SLC5A11: variants seen among roughly 807,000 people sequenced by gnomAD.
SLC5A11 encodes the protein solute carrier family 5 member 11, also known as sodium/myo-inositol cotransporter 2.
In SLC5A11, 48 loss-of-function variants were observed where a neutral mutation model predicts 69.8. The observed-to-expected ratio is 0.69, with a 90% CI of 0.55 to 0.87. SLC5A11 has a LOEUF of 0.87. SLC5A11 is among the 40% of genes least tolerant of loss of function. The pLI is 0.00. For synonymous variants in SLC5A11, 319 were observed against 342.4 expected (o/e 0.93, Z 0.75); for missense variants, 784 against 866.1 (o/e 0.91, Z 1.19).
At chr16:24,892,251 C>T (rs1471389508) in intron 9 of SLC5A11, among the ~76,000 whole-genome samples, 1 of 151,392 alleles carries the variant, frequency 6.6e-6, no homozygotes, top group South Asian at 2.1e-4. Flanking sequence ...ATGTAGGGTG[C>T]TGAGGGGAGG....
chr16:24,873,299 A>G (rs1454578912), intron 5 of SLC5A11, among the ~76,000 whole-genome samples: 2 of 149,888 alleles, frequency 1.3e-5, no homozygotes, highest in Non-Finnish European at 3.0e-5. Context: ...GGAAGGAAGG[A>G]AGGAAATAAA....
exon 12 of SLC5A11, chr16:24,907,112 C>A: frequency 6.2e-7 from 1 of 1,614,148 alleles, no homozygotes. Flanking sequence ...ACCATCTTCA[C>A]CATGGACCTC....
At chr16:24,854,594 TA>T (rs1281009304) in intron 1 of SLC5A11, among the ~76,000 whole-genome samples, 1 of 151,950 alleles carries the variant, frequency 6.6e-6, no homozygotes, top group Non-Finnish European at 1.5e-5. Flanking sequence ...CACACCCACC[TA>T]AAAAAATTGC....
intron 10 of SLC5A11, among the ~76,000 whole-genome samples, chr16:24,900,942 A>G (rs760149530): frequency 2.7e-5 from 4 of 150,920 alleles, no homozygotes; most frequent in Non-Finnish European, 4.4e-5. Context: ...AAAAAAAAGG[A>G]AAGAATATGG....
intron 5 of SLC5A11, among the ~76,000 whole-genome samples, chr16:24,874,148 A>T (rs931954671): frequency 6.6e-6 from 1 of 152,138 alleles, no homozygotes; most frequent in African/African-American, 2.4e-5. Flanking sequence ...TTCTTTTGTT[A>T]CATGTAGCTG....
At chr16:24,895,517 A>T (rs905875844) in intron 9 of SLC5A11, among the ~76,000 whole-genome samples, 1 of 149,586 alleles carries the variant, frequency 6.7e-6, no homozygotes, top group Non-Finnish European at 1.5e-5. Context: ...AAAGAAAAAA[A>T]AGTAGGAAAG....
At chr16:24,854,433 T>A (rs115601516) in intron 1 of SLC5A11, among the ~76,000 whole-genome samples, 11,791 of 150,140 alleles carry the variant, frequency 0.079, 1,342 homozygotes, top group African/African-American at 0.25. Context: ...AAGTAAAGTT[T>A]TTTTTTTTTT....
chr16:24,847,070 C>T (rs770371927), intron 1 of SLC5A11, among the ~76,000 whole-genome samples: 38 of 152,182 alleles, frequency 2.5e-4, no homozygotes, highest in Non-Finnish European at 4.1e-4. Context: ...AGACTCAATT[C>T]CTGTGGCCAT....
At chr16:24,880,674 T>C (rs550043083) in intron 7 of SLC5A11, among the ~76,000 whole-genome samples, 7 of 152,090 alleles carry the variant, frequency 4.6e-5, no homozygotes, top group Admixed American at 3.9e-4. Flanking sequence ...TCATGAGAAC[T>C]CTATCACCAG....
intron 14 of SLC5A11, among the ~76,000 whole-genome samples, chr16:24,909,771 G>A (rs1045371871): frequency 2.0e-5 from 3 of 147,216 alleles, no homozygotes; most frequent in African/African-American, 7.6e-5. Flanking sequence ...TAAGGCTGCA[G>A]TGAGCTATGA....
At chr16:24,867,579 G>C (rs960646370) in intron 3 of SLC5A11, among the ~76,000 whole-genome samples, 1 of 151,978 alleles carries the variant, frequency 6.6e-6, no homozygotes, top group South Asian at 2.1e-4. Context: ...AAAATCAAAA[G>C]TTTGTTCTTT....
At chr16:24,900,918 T>TAA (rs57145899) in intron 10 of SLC5A11, among the ~76,000 whole-genome samples, 18 of 116,636 alleles carry the variant, frequency 1.5e-4, no homozygotes, top group Non-Finnish European at 2.3e-4. Flanking sequence ...ACCCTATCTC[T>TAA]AAAAAAAAAA....
chr16:24,852,282 A>C (rs2059347781), intron 1 of SLC5A11, among the ~76,000 whole-genome samples: 1 of 152,018 alleles, frequency 6.6e-6, no homozygotes, highest in Admixed American at 6.6e-5. Context: ...TGACCTGGGA[A>C]CCTCTTTTCT....
chr16:24,891,221 A>C lies in SLC5A11; in HGVS notation c.870+147A>C, dbSNP rs896903701. On this transcript the variant is annotated intron_variant, in intron 9 of 15. Transcript: ENST00000347898. ...ACTACTTCCTCCTTTCCATTGCTCTACATGCTATTTTATTTCTTCCTCTGT... is the reference window on the plus strand; with the variant it reads ...ACTACTTCCTCCTTTCCATTGCTCTCCATGCTATTTTATTTCTTCCTCTGT... The C allele has an allele frequency of 7.0e-6, 5 of 711,272 alleles. No homozygotes were observed. In the African/African-American group the frequency reaches 7.2e-5, roughly 10 times the overall value. The allele number at this position is 711,272 out of a possible 1,614,324, so 44.1% of individuals were successfully genotyped here.
intron 6 of SLC5A11, among the ~76,000 whole-genome samples, chr16:24,876,793 A>C (rs2047704545): frequency 6.6e-6 from 1 of 152,202 alleles, no homozygotes; most frequent in South Asian, 2.1e-4. Context: ...GCACCAGCAC[A>C]AGTGAAATCT....
At chr16:24,859,026 T>C (rs57731600) in intron 2 of SLC5A11, among the ~76,000 whole-genome samples, 14,734 of 152,260 alleles carry the variant, frequency 0.097, 1,529 homozygotes, top group East Asian at 0.29. Flanking sequence ...GTGAGAAAGA[T>C]GCTGTTACAA....
exon 14 of SLC5A11, chr16:24,909,001 A>C (rs1007421485): frequency 6.2e-7 from 1 of 1,614,110 alleles, no homozygotes. Context: ...GGTGAAGAGC[A>C]TTCACTACCT....
At chr16:24,909,735 A>G (rs990691520) in intron 14 of SLC5A11, among the ~76,000 whole-genome samples, 2 of 145,476 alleles carry the variant, frequency 1.4e-5, no homozygotes, top group Non-Finnish European at 1.5e-5. Flanking sequence ...AGGCTGAGGC[A>G]GGAGGATTGC....
At chr16:24,906,958 G>A in intron 11 of SLC5A11, 67 bp from the exon 13 acceptor site, 4 of 1,578,810 alleles carry the variant, frequency 2.5e-6, no homozygotes, top group Non-Finnish European at 3.4e-6. Flanking sequence ...TCCTCCAGTT[G>A]AGCCCACTGG....
Sources: gnomAD v4.1 joint callset for allele counts (sites outside exome capture counted in the v4.1 genomes callset) on GRCh38, gnomAD v4.1.1 for gene constraint, MANE v1.5 for transcripts, NCBI Gene and HGNC (gene_info 2026-07-23, HGNC 2026-07-21) for gene names.